The following ATP8B1 variants were observed in gnomAD, a reference collection of about 807,000 sequenced individuals.
ATP8B1 encodes ATPase phospholipid transporting 8B1, also known as phospholipid-transporting ATPase IC.
Under a neutral mutation model 149.9 loss-of-function variants are expected in ATP8B1, and 80 were observed. The observed-to-expected ratio is 0.53, with a 90% CI of 0.45 to 0.64. The LOEUF is 0.64. Ranked by LOEUF, ATP8B1 falls within the 30% of genes least tolerant of loss-of-function variation. The pLI, the probability that ATP8B1 is intolerant of heterozygous loss-of-function variation, is 0.00. For synonymous variants in ATP8B1, 536 were observed against 562.8 expected (o/e 0.95, Z 0.67); for missense variants, 1,247 against 1,552.6 (o/e 0.80, Z 3.31).
chr18:57,722,247 C>T (rs940909784), intron 2 of ATP8B1, among the ~76,000 whole-genome samples: 3 of 151,326 alleles, frequency 2.0e-5, no homozygotes, highest in Non-Finnish European at 4.4e-5. Flanking sequence ...TAACTAAAAT[C>T]AGAGCAGAAC....
intron 1 of ATP8B1, among the ~76,000 whole-genome samples, chr18:57,759,568 G>A (rs979267738): frequency 6.6e-6 from 1 of 152,116 alleles, no homozygotes; most frequent in African/African-American, 2.4e-5. Context: ...CCAGCACTTC[G>A]GGAGGCTGAG....
chr18:57,736,647 G>A (rs1972079), intron 1 of ATP8B1, among the ~76,000 whole-genome samples: 19,111 of 144,946 alleles, frequency 0.13, 1,721 homozygotes, highest in East Asian at 0.26. Context: ...TTTTTGTAGC[G>A]ATGGGATCTC....
intron 1 of ATP8B1, among the ~76,000 whole-genome samples, chr18:57,732,362 T>C (rs1490704818): frequency 1.5e-5 from 2 of 135,178 alleles, no homozygotes; most frequent in African/African-American, 5.2e-5. Context: ...TGTGTATATA[T>C]ATGTATATAT....
In ATP8B1 at chr18:57,694,585, G is replaced by A. The variant is rs1035493216; in HGVS notation, c.1026C>T (p.Tyr342=). The A allele has an allele frequency of 6.5e-7, 1 of 1,547,898 alleles. No homozygotes were observed. The highest frequency in any genetic ancestry group is 8.9e-7 in the Non-Finnish European group (1 of 1,120,416). Residue 342 remains tyrosine (Y), a synonymous_variant, in exon 11 of 28, where the codon TAC becomes TAT. Transcript: ENST00000648908. ...TACTGAGATGAAAAATAAATACCGT[G>A]TAAACCATGTAGTTCATCAAGTAAT... is the stretch of plus-strand genomic sequence containing the variant. ...KIDYLMNYMV[Y]TIFVVLILLS... is the part of the protein sequence containing the mutation.
chr18:57,758,379 G>T (rs1397930617), intron 1 of ATP8B1, among the ~76,000 whole-genome samples: 1 of 151,938 alleles, frequency 6.6e-6, no homozygotes, highest in Admixed American at 6.6e-5. Flanking sequence ...GGTGCCTCAC[G>T]CCTGTAATCC....
intron 1 of ATP8B1, among the ~76,000 whole-genome samples, chr18:57,791,454 G>A (rs769665089): frequency 1.3e-5 from 2 of 148,272 alleles, no homozygotes; most frequent in Non-Finnish European, 3.0e-5. Flanking sequence ...GAGTTCAAGC[G>A]ATTCTTGTGT....
intron 27 of ATP8B1, 141 bp from the exon 28 acceptor site, chr18:57,648,853 TG>T (rs1269056978): frequency 2.7e-6 from 1 of 374,978 alleles, no homozygotes; most frequent in African/African-American, 3.6e-5. Flanking sequence ...TGTCCCCACT[TG>T]TGTGTGTGTG....
chr18:57,702,813 C>T (rs978341317), intron 4 of ATP8B1, among the ~76,000 whole-genome samples: 15 of 149,506 alleles, frequency 1.0e-4, no homozygotes, highest in South Asian at 4.2e-4. Context: ...GCTGAGATCA[C>T]GCCATTGCAC....
In ATP8B1 at chr18:57,668,818, C is replaced by G. The variant is rs919442432; in HGVS notation, c.2098-278G>C. The G allele has an allele frequency of 1.3e-5, 5 of 396,886 alleles. No individual in the cohort carries two copies. The East Asian group carries it at 2.0e-4, about 16-fold the overall frequency. The allele number at this position is 396,886 out of a possible 1,614,324, so 24.6% of individuals were successfully genotyped here. On this transcript the variant is annotated intron_variant, in intron 18 of 27. Coordinates refer to ENST00000648908, the MANE Select transcript of ATP8B1 (RefSeq NM_001374385.1). ...TCAAGGATGTTAAAAATACACTTTT[C>G]TTGTGTATTTGTGGCTTTATACTGA...
In ATP8B1 at chr18:57,694,640, C is replaced by T; in HGVS notation, c.971G>A (p.Gly324Glu). 6.3e-7 allele frequency: 1 copy of T among 1,594,956 alleles called. No individual in the cohort carries two copies. The highest frequency in any genetic ancestry group is 8.6e-7 in the Non-Finnish European group (1 of 1,162,960). Residue 324 changes from glycine (G) to glutamate (E), a missense_variant, in exon 11 of 28, where the codon GGG becomes GAG. Gly to Glu is a moderately conservative substitution (Grantham distance 98, BLOSUM62 -2). Around this residue, in one of 3 missense-constraint regions of ATP8B1, gnomAD observed 853 missense variants for 1,035.7 expected, o/e 0.82. Coordinates refer to ENST00000648908, the MANE Select transcript of ATP8B1 (RefSeq NM_001374385.1). ...TTTAGTTCTTTTAAATCTGGTTTTC[C>T]CACTATTCTTCATTATTTTAGTGTC... ...GADTKIMKNS[G>E]KTRFKRTKID... is the part of the protein sequence containing the mutation.
At chr18:57,655,777 T>C (rs1347196987) in intron 22 of ATP8B1, among the ~76,000 whole-genome samples, 1 of 152,198 alleles carries the variant, frequency 6.6e-6, no homozygotes, top group Non-Finnish European at 1.5e-5. Context: ...GCAACAGCTG[T>C]GTCAGTCATG....
chr18:57,755,000 G>C (rs1460742523), intron 1 of ATP8B1, among the ~76,000 whole-genome samples: 1 of 152,100 alleles, frequency 6.6e-6, no homozygotes, highest in African/African-American at 2.4e-5. Context: ...AGTAAATGTG[G>C]AATTTTTCAG....
intron 1 of ATP8B1, chr18:57,734,035 C>T (rs1360389297): frequency 6.6e-6 from 1 of 152,068 alleles, no homozygotes; most frequent in Non-Finnish European, 1.5e-5. Context: ...GGATAATGTG[C>T]AACAATCTAG....
chr18:57,797,517 T>C (rs764261017), intron 1 of ATP8B1, among the ~76,000 whole-genome samples: 1 of 152,024 alleles, frequency 6.6e-6, no homozygotes, highest in South Asian at 2.1e-4. Flanking sequence ...CACCACAGCT[T>C]CCAGGCCCAT....
rs767398921 is a variant in ATP8B1, at chr18:57,661,224, G to A, written c.2657C>T (p.Ala886Val). The change falls in exon 22 of 28, where the codon GCC (alanine) becomes GTC (valine). Residue 886 changes from alanine to valine, a missense_variant. Physicochemically the swap from Ala to Val is moderately conservative, Grantham distance 64. This residue lies in a region of ATP8B1 where 230 missense variants were observed against 356.6 expected (regional missense o/e 0.65). Coordinates refer to ENST00000648908, the MANE Select transcript of ATP8B1 (RefSeq NM_001374385.1). Reference sequence around the variant, plus strand: ...CCCATCTCCGATGGCCAGCGTGATGGCTTTCTTGTACCTCTTCACCAGGTC... The same window carrying A: ...CCCATCTCCGATGGCCAGCGTGATGACTTTCTTGTACCTCTTCACCAGGTC... ...VVDLVKRYKK[A>V]ITLAIGDGAN... The A allele has an allele frequency of 1.2e-6, 2 of 1,614,034 alleles. No homozygotes were observed. The highest frequency in any genetic ancestry group is 3.3e-5 in the Admixed American group (2 of 60,008).
Position 57,648,320 on chromosome 18 carries a change from C to A in ATP8B1, c.*168G>T. On this transcript the variant is annotated 3_prime_UTR_variant, in exon 28 of 28. Transcript: ENST00000648908. ...GACTTTTAAAAGTCCTATTTCTTGG[C>A]TCTGCTATTGTTTAATAGTCCAACC... The A allele has an allele frequency of 1.2e-6, 1 of 846,922 alleles. No individual in the cohort carries two copies. The allele number at this position is 846,922 out of a possible 1,614,324, so 52.5% of individuals were successfully genotyped here.
chr18:57,704,225 C>A (rs1913274349), intron 4 of ATP8B1, among the ~76,000 whole-genome samples: 1 of 152,204 alleles, frequency 6.6e-6, no homozygotes, highest in Non-Finnish European at 1.5e-5. Context: ...GCCTCGGCCT[C>A]CCAAAGTGCT....
At chr18:57,746,404 G>C (rs1378263964) in intron 1 of ATP8B1, among the ~76,000 whole-genome samples, 1 of 151,588 alleles carries the variant, frequency 6.6e-6, no homozygotes, top group African/African-American at 2.4e-5. Flanking sequence ...GATTTGTCCT[G>C]GTGCTGTTCA....
chr18:57,651,880 T>G (rs954086643), intron 26 of ATP8B1, among the ~76,000 whole-genome samples, 154 bp downstream of exon 26: 4 of 152,004 alleles, frequency 2.6e-5, no homozygotes, highest in Non-Finnish European at 5.9e-5. Context: ...GCAATCCACT[T>G]GCCTCGGCCT....
Sources: gnomAD v4.1 joint callset for allele counts (sites outside exome capture counted in the v4.1 genomes callset) on GRCh38, gnomAD v4.1.1 for gene constraint, gnomAD v4.1.1 regional missense constraint, MANE v1.5 for transcripts, NCBI Gene and HGNC (gene_info 2026-07-23, HGNC 2026-07-21) for gene names.